Variants in GNAQ observed in about 807,000 individuals in gnomAD.
GNAQ encodes the protein guanine nucleotide-binding protein G(q) subunit alpha.
A neutral mutation model predicts 43.9 loss-of-function variants in GNAQ; 8 were observed. The observed-to-expected ratio is 0.18, with a 90% CI of 0.11 to 0.33. The LOEUF (loss-of-function observed/expected upper bound fraction) is 0.33. GNAQ is among the 10% of genes least tolerant of loss of function. The pLI, the probability that GNAQ is intolerant of heterozygous loss-of-function variation, is 1.00. For missense variants in GNAQ, 158 were observed against 450.8 expected (o/e 0.35, Z 5.88); for synonymous variants, 155 against 170.7 (o/e 0.91, Z 0.71).
At chr9:77,953,814 C>G (rs931341173) in intron 1 of GNAQ, among the ~76,000 whole-genome samples, 3 of 152,148 alleles carry the variant, frequency 2.0e-5, no homozygotes, top group Admixed American at 2.0e-4. Flanking sequence ...CAATGAGAAC[C>G]AAGTAACAGT....
intron 2 of GNAQ, among the ~76,000 whole-genome samples, chr9:77,838,556 A>G (rs1282131819): frequency 1.3e-5 from 2 of 151,868 alleles, no homozygotes; most frequent in Non-Finnish European, 2.9e-5. Context: ...AAGCAACTAT[A>G]TTTCTGCCTC....
At chr9:77,723,698 T>C (rs866270798) in intron 6 of GNAQ, among the ~76,000 whole-genome samples, 1 of 152,164 alleles carries the variant, frequency 6.6e-6, no homozygotes, top group African/African-American at 2.4e-5. Flanking sequence ...TAACAAATAT[T>C]GTATGCTTGC....
intron 1 of GNAQ, among the ~76,000 whole-genome samples, chr9:77,972,395 A>C (rs1587439029): frequency 6.6e-6 from 1 of 151,378 alleles, no homozygotes; most frequent in African/African-American, 2.4e-5. Context: ...AAATTAAAAT[A>C]TAAGTTTCTC....
intron 5 of GNAQ, among the ~76,000 whole-genome samples, chr9:77,757,257 G>A (rs917909550): frequency 5.3e-5 from 8 of 152,052 alleles, no homozygotes; most frequent in Non-Finnish European, 1.0e-4. Context: ...CGACAAACAA[G>A]CCCCAACTTT....
chr9:77,900,780 G>A (rs952600883), intron 2 of GNAQ, among the ~76,000 whole-genome samples: 8 of 151,940 alleles, frequency 5.3e-5, no homozygotes, highest in South Asian at 2.1e-4. Context: ...GCAGAAGACC[G>A]TACCAGTTCA....
chr9:77,994,821 T>A (rs1001745302), intron 1 of GNAQ, among the ~76,000 whole-genome samples: 4 of 152,212 alleles, frequency 2.6e-5, no homozygotes, highest in African/African-American at 9.7e-5. Context: ...TGTAAGTCTT[T>A]ATTAGCAGCT....
At chr9:78,019,571 T>C (rs1823880241) in intron 1 of GNAQ, among the ~76,000 whole-genome samples, 1 of 152,214 alleles carries the variant, frequency 6.6e-6, no homozygotes, top group Non-Finnish European at 1.5e-5. Flanking sequence ...TAAAAATTAT[T>C]CAAATTAACC....
intron 2 of GNAQ, among the ~76,000 whole-genome samples, chr9:77,873,731 G>A (rs778580268): frequency 2.6e-5 from 4 of 152,236 alleles, no homozygotes; most frequent in Non-Finnish European, 4.4e-5. Context: ...TCTGTGCATA[G>A]GCAATGAGTA....
intron 5 of GNAQ, among the ~76,000 whole-genome samples, chr9:77,751,889 AG>A (rs1277217497): frequency 6.6e-6 from 1 of 152,248 alleles, no homozygotes; most frequent in East Asian, 1.9e-4. Flanking sequence ...ACAGGAACAC[AG>A]GAACAGTGGC....
At chr9:77,858,963 T>C (rs1466372981) in intron 2 of GNAQ, among the ~76,000 whole-genome samples, 2 of 152,064 alleles carry the variant, frequency 1.3e-5, no homozygotes, top group East Asian at 1.9e-4. Flanking sequence ...TGTCTTTCCA[T>C]CTCCATACTT....
rs1228128900 is a variant in GNAQ at position 77,762,027 on chromosome 9, G to A, written c.735+32436C>T. ...TCTGCCCGGCCGCCCCTCCTGGGAAGTGAGGAGCCCCTCTGCCCGGCCAGC... is the reference window on the plus strand; with the variant it reads ...TCTGCCCGGCCGCCCCTCCTGGGAAATGAGGAGCCCCTCTGCCCGGCCAGC... On this transcript the variant is annotated intron_variant, in intron 5 of 6. Coordinates refer to ENST00000286548, the MANE Select transcript of GNAQ (RefSeq NM_002072.5). 3.5e-4 allele frequency among the ~76,000 whole-genome samples: 48 copies of A among 138,244 alleles called. 1 individual carries two copies. Among genetic ancestry groups the A allele is most frequent in the South Asian group, 7.0e-4 (3 of 4,296 alleles). 90.7% of individuals were successfully genotyped at this position (138,244 alleles called of 152,430 possible).
At chr9:77,960,344 C>G (rs1823092024) in intron 1 of GNAQ, among the ~76,000 whole-genome samples, 1 of 150,560 alleles carries the variant, frequency 6.6e-6, no homozygotes, top group Non-Finnish European at 1.5e-5. Context: ...AGGTCCTTTA[C>G]TGTAGTTTTT....
intron 1 of GNAQ, among the ~76,000 whole-genome samples, chr9:77,932,273 T>G: frequency 6.6e-6 from 1 of 152,248 alleles, no homozygotes; most frequent in East Asian, 1.9e-4. Flanking sequence ...TGTTTATTCT[T>G]AATTTTATTG....
chr9:77,771,537 G>A (rs890079840), intron 5 of GNAQ, among the ~76,000 whole-genome samples: 5 of 152,204 alleles, frequency 3.3e-5, no homozygotes, highest in African/African-American at 1.2e-4. Context: ...CACAGGCGAA[G>A]ACAAGGATGT....
At chr9:77,762,827 G>T (rs1185497600) in intron 5 of GNAQ, among the ~76,000 whole-genome samples, 8 of 152,146 alleles carry the variant, frequency 5.3e-5, no homozygotes, top group African/African-American at 1.4e-4. Context: ...TGAAACATGT[G>T]CTGTGTCCAC....
At chr9:77,968,927 A>C (rs1198223630) in intron 1 of GNAQ, among the ~76,000 whole-genome samples, 1 of 152,188 alleles carries the variant, frequency 6.6e-6, no homozygotes, top group East Asian at 1.9e-4. Context: ...GCCACCAGCA[A>C]ATGCACCCAG....
chr9:77,846,068 G>A (rs1827579890), intron 2 of GNAQ, among the ~76,000 whole-genome samples: 1 of 152,210 alleles, frequency 6.6e-6, no homozygotes, highest in African/African-American at 2.4e-5. Flanking sequence ...ACCTGAAGAT[G>A]GTCACAAACC....
intron 5 of GNAQ, among the ~76,000 whole-genome samples, chr9:77,755,291 A>G (rs1174213585): frequency 1.3e-5 from 2 of 152,232 alleles, no homozygotes; most frequent in African/African-American, 2.4e-5. Flanking sequence ...GATAAAACGA[A>G]TAAGATCTAG....
intron 2 of GNAQ, among the ~76,000 whole-genome samples, chr9:77,838,808 A>G (rs145631722): frequency 1.3e-5 from 2 of 152,098 alleles, no homozygotes; most frequent in African/African-American, 4.8e-5. Flanking sequence ...TATATATATA[A>G]ATGTATACAT....
Sources: allele counts gnomAD v4.1 joint callset (sites outside exome capture counted in the v4.1 genomes callset), GRCh38; gene constraint gnomAD v4.1.1; transcripts MANE v1.5; gene names NCBI Gene and HGNC (gene_info 2026-07-23, HGNC 2026-07-21).